The following SETX variants were observed in gnomAD, a reference collection of about 807,000 sequenced individuals.
SETX encodes the protein helicase senataxin.
In SETX, 90 loss-of-function variants were observed where a neutral mutation model predicts 227.2. That is an observed-to-expected ratio of 0.40 (90% CI 0.33 to 0.47). SETX has a LOEUF of 0.47. Among genes scored for constraint, SETX ranks in the 20% least tolerant of loss-of-function variants. SETX has a pLI of 0.91. For missense variants in SETX, 3,052 were observed against 3,181.5 expected, an observed-to-expected ratio of 0.96 and a Z score of 0.98; for synonymous variants, 1,210 against 1,113.2, an observed-to-expected ratio of 1.09 and a Z score of -1.73.
At chr9:132,271,289 C>A (rs1440684268) in intron 24 of SETX, among the ~76,000 whole-genome samples, 2 of 152,266 alleles carry the variant, frequency 1.3e-5, no homozygotes, top group South Asian at 2.1e-4. Flanking sequence ...CAAGGCCGGG[C>A]GCAGTGACTC....
chr9:132,356,075 G>A (rs924122717), upstream of SETX, among the ~76,000 whole-genome samples: 3 of 151,730 alleles, frequency 2.0e-5, no homozygotes, highest in Admixed American at 6.6e-5. Flanking sequence ...CATTGAGACC[G>A]GGAGATCGAG....
At position 132,300,411 on chromosome 9, in the gene SETX, T is replaced by C. The variant is rs149013958; in HGVS notation, c.5548+219A>G. 3.2e-3 allele frequency among the ~76,000 whole-genome samples: 493 copies of C among 152,182 alleles called. 4 individuals are homozygous for C. The highest frequency in any genetic ancestry group is 0.011 in the African/African-American group (468 of 41,526). On this transcript the variant is annotated intron_variant, in intron 12 of 25. Transcript: ENST00000224140. ...GCAAACACAATGATGGATAAAGAAA[T>C]GTAACAAAAGGATAGAACATTACAA...
chr9:132,287,645 T>G (rs1843991039), intron 17 of SETX, among the ~76,000 whole-genome samples: 1 of 151,930 alleles, frequency 6.6e-6, no homozygotes, highest in African/African-American at 2.4e-5. Context: ...CCATATGGCT[T>G]GCAAAGCCTA....
At chr9:132,304,928 C>T (rs902441176) in intron 11 of SETX, among the ~76,000 whole-genome samples, 6 of 150,450 alleles carry the variant, frequency 4.0e-5, no homozygotes, top group African/African-American at 1.5e-4. Context: ...AGCCAGGAGG[C>T]GGGATGCAGT....
chr9:132,261,970 G>A lies in SETX; in HGVS notation c.*2269C>T, dbSNP rs1842428918. 1 of 154,448 alleles carries A rather than the reference G, an allele frequency of 6.5e-6. No homozygotes were observed. Among genetic ancestry groups the A allele is most frequent in the Non-Finnish European group, 1.5e-5 (1 of 68,232 alleles). 9.6% of individuals were successfully genotyped at this position (154,448 alleles called of 1,614,324 possible). ...GACAGCCACATCAGGAGGGGCCACG[G>A]TGAACATAGGAAATGGCTTTGGCAA... On this transcript the variant is annotated 3_prime_UTR_variant, in exon 26 of 26. Coordinates refer to ENST00000224140, the MANE Select transcript of SETX (RefSeq NM_015046.7).
chr9:132,335,068 T>A (rs1025560586), intron 6 of SETX, among the ~76,000 whole-genome samples: 2 of 151,996 alleles, frequency 1.3e-5, no homozygotes, highest in Admixed American at 1.3e-4. Context: ...ACACGTGACC[T>A]TAAGATTTGG....
intron 10 of SETX, among the ~76,000 whole-genome samples, chr9:132,325,812 A>G (rs1846704645): frequency 6.6e-6 from 1 of 151,452 alleles, no homozygotes; most frequent in Non-Finnish European, 1.5e-5. Context: ...CAGGCCTGTA[A>G]TCTCAGCTAC....
At chr9:132,275,062 T>A (rs1843086010) in intron 23 of SETX, 194 bp downstream of exon 23, 1 of 592,950 alleles carries the variant, frequency 1.7e-6, no homozygotes, top group African/African-American at 1.9e-5. Flanking sequence ...ACATTCCAAC[T>A]GCCAGGAAGT....
intron 17 of SETX, among the ~76,000 whole-genome samples, chr9:132,287,218 CTCATGCCTGTAA>C (rs1376351985): frequency 1.3e-5 from 2 of 152,188 alleles, no homozygotes; most frequent in African/African-American, 4.8e-5. Context: ...TGTGCAGGGA[CTCATGCCTGTAA>C]TCCTGGCACT....
intron 21 of SETX, 129 bp from the exon 22 acceptor site, chr9:132,277,281 T>C (rs897506133): frequency 1.3e-6 from 1 of 764,976 alleles, no homozygotes; most frequent in Admixed American, 2.1e-5. Context: ...AGGAATATTC[T>C]TTTCTAGACG....
Position 132,288,322 on chromosome 9 carries a change from TCGCC to T in SETX, c.6234_6237del (p.Ala2079CysfsTer8). 6.2e-7 allele frequency: 1 copy of T among 1,614,096 alleles called. No homozygotes were observed. Among genetic ancestry groups the T allele is most frequent in the Non-Finnish European group, 8.5e-7 (1 of 1,179,922 alleles). On this transcript the variant is annotated frameshift_variant, in exon 17 of 26. Transcript: ENST00000224140. LOFTEE classifies it high-confidence loss of function. ...TCTAGAAATTCCTTTCTTTTATGCA[TCGCC>T]TGAACATGAGAAGGTAACTCTTTTT...
chr9:132,309,720 C>A (rs757947910), intron 11 of SETX, among the ~76,000 whole-genome samples: 1 of 151,754 alleles, frequency 6.6e-6, no homozygotes, highest in East Asian at 1.9e-4. Flanking sequence ...AAAAATGTAC[C>A]CTAGGGCAAT....
intron 5 of SETX, among the ~76,000 whole-genome samples, chr9:132,342,327 C>A (rs759676417): frequency 1.3e-5 from 2 of 152,168 alleles, no homozygotes; most frequent in Non-Finnish European, 2.9e-5. Flanking sequence ...TAATTCTAAT[C>A]TATCAGCAAA....
intron 2 of SETX, among the ~76,000 whole-genome samples, chr9:132,351,986 A>C (rs570656774): frequency 6.6e-6 from 1 of 152,206 alleles, no homozygotes; most frequent in East Asian, 1.9e-4. Flanking sequence ...AATTTTCTAC[A>C]GACTTATCCT....
At chr9:132,287,340 T>C (rs1843967587) in intron 17 of SETX, among the ~76,000 whole-genome samples, 1 of 152,002 alleles carries the variant, frequency 6.6e-6, no homozygotes, top group East Asian at 1.9e-4. Flanking sequence ...ACAAAAAAAT[T>C]AGCCAGGCAT....
chr9:132,349,482 T>C, intron 2 of SETX, 47 bp from the exon 3 acceptor site: 3 of 1,583,456 alleles, frequency 1.9e-6, no homozygotes, highest in Non-Finnish European at 2.6e-6. Context: ...ACTTCAGACC[T>C]ACTGTGTGTC....
chr9:132,334,443 C>T (rs925498208), intron 7 of SETX, among the ~76,000 whole-genome samples, 165 bp downstream of exon 7: 4 of 152,022 alleles, frequency 2.6e-5, no homozygotes, highest in African/African-American at 4.8e-5. Flanking sequence ...AGTATGACTT[C>T]GTATCAAAAA....
At chr9:132,297,921 C>T (rs1032775481) in intron 13 of SETX, among the ~76,000 whole-genome samples, 159 bp downstream of exon 13, 1 of 152,124 alleles carries the variant, frequency 6.6e-6, no homozygotes, top group African/African-American at 2.4e-5. Context: ...GCTGACTTAA[C>T]CTAAATTACA....
intron 5 of SETX, among the ~76,000 whole-genome samples, chr9:132,339,964 C>T (rs567141085): frequency 3.3e-5 from 5 of 152,190 alleles, no homozygotes; most frequent in South Asian, 2.1e-4. Context: ...CTTTCTGGGA[C>T]GTCTTACATC....
Sources: allele counts gnomAD v4.1 joint callset (sites outside exome capture counted in the v4.1 genomes callset), GRCh38; gene constraint gnomAD v4.1.1; transcripts MANE v1.5; gene names NCBI Gene and HGNC (gene_info 2026-07-23, HGNC 2026-07-21).